FANCD2: variants seen among roughly 807,000 people sequenced by gnomAD.
The protein encoded by FANCD2 is FA complementation group D2.
In FANCD2, 131 loss-of-function variants were observed where a neutral mutation model predicts 192.3. That is an observed-to-expected ratio of 0.68 (90% confidence interval 0.59 to 0.79). FANCD2 has a LOEUF of 0.79. Ranked by LOEUF, FANCD2 falls within the 30% of genes least tolerant of loss-of-function variation. FANCD2 has a pLI of 0.00. For missense variants in FANCD2, 1,508 were observed against 1,701.6 expected (o/e 0.89, Z 2.00); for synonymous variants, 524 against 612.5 (o/e 0.86, Z 2.13).
intron 14 of FANCD2, among the ~76,000 whole-genome samples, chr3:10,046,025 A>G (rs1306730568): frequency 6.7e-6 from 1 of 149,584 alleles, no homozygotes; most frequent in African/African-American, 2.5e-5. Context: ...TTCTGTAGTA[A>G]TATCACTTTC....
At chr3:10,084,822 C>G (rs1694081837) in intron 32 of FANCD2, among the ~76,000 whole-genome samples, 1 of 152,092 alleles carries the variant, frequency 6.6e-6, no homozygotes, top group South Asian at 2.1e-4. Flanking sequence ...TAAATGTTGT[C>G]CAGGGAAGCC....
At chr3:10,048,302 C>CT (rs1310985337) in intron 16 of FANCD2, among the ~76,000 whole-genome samples, 2 of 62,380 alleles carry the variant, frequency 3.2e-5, no homozygotes, top group South Asian at 3.9e-4. Context: ...ACATGAGACA[C>CT]TTTTTTTTGT....
In FANCD2 at chr3:10,034,698, A is replaced by G. The variant is rs2086686963; in HGVS notation, c.277A>G (p.Ile93Val). Reference protein sequence around the residue: ...LRRHPSYPKIIEEFVSGLESY... With the variant: ...LRRHPSYPKIVEEFVSGLESY... ...TTATTTTTTAAATCTCCTTAAGATAATAGAAGAATTTGTTAGTGGCCTGGA... is the reference window on the plus strand; with the variant it reads ...TTATTTTTTAAATCTCCTTAAGATAGTAGAAGAATTTGTTAGTGGCCTGGA... Residue 93 changes from isoleucine (I) to valine (V), a missense_variant, in exon 5 of 44, where the codon ATA becomes GTA. Physicochemically the swap from Ile to Val is conservative, Grantham distance 29. Around this residue, in one of 5 missense-constraint regions of FANCD2, gnomAD observed 435 missense variants for 421.9 expected, o/e 1.03. Transcript: ENST00000675286. 1.3e-6 allele frequency: 2 copies of G among 1,554,246 alleles called. No homozygotes were observed. The highest frequency in any genetic ancestry group is 2.7e-5 in the African/African-American group (2 of 73,240).
chr3:10,100,172 C>A (rs984211533), intron 43 of FANCD2, among the ~76,000 whole-genome samples: 1 of 152,134 alleles, frequency 6.6e-6, no homozygotes, highest in Non-Finnish European at 1.5e-5. Flanking sequence ...AGAGCGAGAC[C>A]CTGTCTCAAA....
At chr3:10,090,427 T>A in intron 37 of FANCD2, 42 bp downstream of exon 37, 1 of 1,088,938 alleles carries the variant, frequency 9.2e-7, no homozygotes. Context: ...GACTTTGGAT[T>A]ACTTGGAAGT....
At chr3:10,101,023 C>T (rs886180043) in intron 43 of FANCD2, among the ~76,000 whole-genome samples, 165 bp from the exon 44 acceptor site, 3 of 151,528 alleles carry the variant, frequency 2.0e-5, no homozygotes, top group Admixed American at 2.0e-4. Flanking sequence ...GAGCTGAGAT[C>T]ATGCCACTGC....
chr3:10,101,079 A>G, intron 43 of FANCD2, 109 bp from the exon 44 acceptor site: 1 of 775,156 alleles, frequency 1.3e-6, no homozygotes, highest in Admixed American at 2.3e-5. Flanking sequence ...AAAAAAAAAA[A>G]GTTTTAACAG....
chr3:10,049,069 G>C lies in FANCD2; in HGVS notation c.1414-305G>C, dbSNP rs558359799. On this transcript the variant is annotated intron_variant, in intron 16 of 43. Coordinates refer to ENST00000675286, the MANE Select transcript of FANCD2 (RefSeq NM_001018115.3). ...GATCTTGTACAACCTCAACCTAAAG[G>C]GTAAAATTTAACCCATATGGGAAAA... is the stretch of plus-strand genomic sequence containing the variant. 7.3e-4 allele frequency among the ~76,000 whole-genome samples: 111 copies of C among 152,064 alleles called. No individual in the cohort carries two copies. The South Asian group carries it at 0.018, about 25-fold the overall frequency.
chr3:10,047,282 TAC>T (rs2087048954), intron 15 of FANCD2, among the ~76,000 whole-genome samples: 7 of 152,296 alleles, frequency 4.6e-5, no homozygotes, highest in Non-Finnish European at 1.0e-4. Context: ...CTGCCAATTA[TAC>T]ATGTTTTGGG....
intron 17 of FANCD2, among the ~76,000 whole-genome samples, chr3:10,051,402 AAAAAACAAAAAG>A (rs1265104661): frequency 0.049 from 542 of 11,092 alleles, 76 homozygotes; most frequent in South Asian, 0.11. Flanking sequence ...AAAAAAAAAA[AAAAAACAAAAAG>A]GAGTGAGGGA....
In FANCD2 at chr3:10,040,033, CTT is replaced by C. The variant is rs570512566; in HGVS notation, c.695+206_695+207del. 13,879 of 338,590 alleles carry C rather than the reference CTT, an allele frequency of 0.041. 114 individuals carry two copies. Among genetic ancestry groups the C allele is most frequent in the African/African-American group, 0.1 (4,089 of 40,506 alleles). 21.0% of individuals were successfully genotyped at this position (338,590 alleles called of 1,614,324 possible). A position where few individuals can be genotyped will look rare whatever the true frequency, so the allele number is the denominator to read the frequency against. ...ATATTTGAATAGATCCACATACTTT[CTT>C]TTTTTTTTTTTTTTTTTCTGAGACA... On this transcript the variant is annotated intron_variant, in intron 9 of 43. Coordinates refer to ENST00000675286, the MANE Select transcript of FANCD2 (RefSeq NM_001018115.3).
chr3:10,048,869 G>A (rs1352228734), intron 16 of FANCD2, among the ~76,000 whole-genome samples: 31 of 152,402 alleles, frequency 2.0e-4, no homozygotes, highest in Admixed American at 2.6e-4. Flanking sequence ...CTATTATGGA[G>A]TGACAGTATA....
chr3:10,061,295 T>C (rs2087560467), intron 19 of FANCD2, among the ~76,000 whole-genome samples: 1 of 152,256 alleles, frequency 6.6e-6, no homozygotes, highest in Non-Finnish European at 1.5e-5. Context: ...AATCTGCCTT[T>C]CTTTACCTAC....
chr3:10,088,454 C>T lies in FANCD2; in HGVS notation c.3472C>T (p.Leu1158Phe), dbSNP rs747786350. 6.9e-6 allele frequency: 11 copies of T among 1,604,318 alleles called. No individual in the cohort carries two copies. Among genetic ancestry groups the T allele is most frequent in the African/African-American group, 1.3e-5 (1 of 74,848 alleles). ...SAQNKEKIAS[L>F]ARQFLCRVWP... Reference sequence around the variant, plus strand: ...TTTGTCTTCTTTTCTAACAGCTTCCCTTGCCAGACAATTCCTCTGTCGGGT... The same window carrying T: ...TTTGTCTTCTTTTCTAACAGCTTCCTTTGCCAGACAATTCCTCTGTCGGGT... Residue 1158 changes from leucine (L) to phenylalanine (F), a missense_variant, in exon 35 of 44, where the codon CTT becomes TTT. Coordinates refer to ENST00000675286, the MANE Select transcript of FANCD2 (RefSeq NM_001018115.3).
intron 7 of FANCD2, 117 bp downstream of exon 7, chr3:10,036,456 T>G: frequency 1.3e-6 from 1 of 765,438 alleles, no homozygotes; most frequent in Non-Finnish European, 2.2e-6. Context: ...TTATATTTCT[T>G]AAGTGACTAC....
In FANCD2 at chr3:10,041,718, A is replaced by T. The variant is rs745396328; in HGVS notation, c.783+8A>T. The T allele has an allele frequency of 6.2e-7, 1 of 1,609,324 alleles. No individual in the cohort carries two copies. The highest frequency in any genetic ancestry group is 1.1e-5 in the South Asian group (1 of 90,994). On this transcript the variant is annotated splice_region_variant and intron_variant, in intron 10 of 43. Transcript: ENST00000675286. ...CCAAACTTCCTATTGAAGGTAGAAAAGACTCAGCTTTCCAGAAACAGAGCC... is the reference window on the plus strand; with the variant it reads ...CCAAACTTCCTATTGAAGGTAGAAATGACTCAGCTTTCCAGAAACAGAGCC...
chr3:10,039,297 C>T lies in FANCD2; in HGVS notation c.510C>T (p.Ile170=), dbSNP rs1174067614. The T allele has an allele frequency of 1.2e-6, 2 of 1,613,580 alleles. No homozygotes were observed. Among genetic ancestry groups the T allele is most frequent in the East Asian group, 2.2e-5 (1 of 44,876 alleles). ...ATTTTAGCAAGAACAGTGATGAAAT[C>T]AACATACCTCGACTCATTGTCAGTC... The part of the protein sequence containing the change: ...YFFENKNSDE[I]NIPRLIVSQL... Residue 170 remains isoleucine, a synonymous_variant, in exon 8 of 44, where the codon ATC becomes ATT. Transcript: ENST00000675286.
chr3:10,081,087 G>A lies in FANCD2; in HGVS notation c.2977-13G>A. On this transcript the variant is annotated splice_polypyrimidine_tract_variant and intron_variant, in intron 30 of 43. Coordinates refer to ENST00000675286, the MANE Select transcript of FANCD2 (RefSeq NM_001018115.3). ...CAGCAGTTTCTTCACTCATAACTCT[G>A]CATTTATTATAGAACAAAGGAAGCC... is the stretch of plus-strand genomic sequence containing the variant. The A allele has an allele frequency of 1.2e-6, 2 of 1,613,932 alleles. No homozygotes were observed. The highest frequency in any genetic ancestry group is 1.7e-6 in the Non-Finnish European group (2 of 1,179,996).
chr3:10,049,224 A>T, intron 16 of FANCD2, 150 bp from the exon 17 acceptor site: 1 of 835,122 alleles, frequency 1.2e-6, no homozygotes, highest in Non-Finnish European at 2.0e-6. Context: ...TCCTGAAGCC[A>T]ACATTAATGA....
Sources: allele counts gnomAD v4.1 joint callset (sites outside exome capture counted in the v4.1 genomes callset), GRCh38; gene constraint gnomAD v4.1.1; regional missense constraint gnomAD v4.1.1; transcripts MANE v1.5; gene names NCBI Gene and HGNC (gene_info 2026-07-23, HGNC 2026-07-21).